The following FBXO34 variants were observed in gnomAD, a reference collection of about 807,000 sequenced individuals.
FBXO34 encodes the protein F-box protein 34.
A neutral mutation model predicts 24.5 loss-of-function variants in FBXO34; 12 were observed. That is an observed-to-expected ratio of 0.49 (90% confidence interval 0.31 to 0.79). FBXO34 has a LOEUF of 0.79. Among genes scored for constraint, FBXO34 ranks in the 30% least tolerant of loss-of-function variants. The pLI is 0.04. For missense variants in FBXO34, 823 were observed against 857.7 expected, an observed-to-expected ratio of 0.96 and a Z score of 0.51; for synonymous variants, 320 against 311.9, an observed-to-expected ratio of 1.03 and a Z score of -0.27.
chr14:55,273,191 T>C (rs529633283), intron 1 of FBXO34, among the ~76,000 whole-genome samples: 1 of 149,528 alleles, frequency 6.7e-6, no homozygotes, highest in Admixed American at 6.6e-5. Flanking sequence ...TTTTTTCCTC[T>C]CTCTCAATAC....
intron 1 of FBXO34, among the ~76,000 whole-genome samples, chr14:55,281,558 A>G (rs567823366): frequency 6.6e-6 from 1 of 152,044 alleles, no homozygotes; most frequent in South Asian, 2.1e-4. Context: ...CTTCCTCTTC[A>G]TTTTCTGGGA....
the FBXO34 span, among the ~76,000 whole-genome samples, chr14:55,431,216 T>C: frequency 6.6e-6 from 1 of 152,188 alleles, no homozygotes; most frequent in Non-Finnish European, 1.5e-5. Flanking sequence ...CAACTCACTA[T>C]CCAAAACTTC....
chr14:55,372,984 AT>A (rs1241917186), downstream of FBXO34, among the ~76,000 whole-genome samples: 2 of 151,882 alleles, frequency 1.3e-5, no homozygotes, highest in East Asian at 3.9e-4. Context: ...ATCAACCTAC[AT>A]TTCTGAGAAG....
At chr14:55,372,668 C>T (rs1294599971), downstream of FBXO34, among the ~76,000 whole-genome samples, 1 of 151,846 alleles carries the variant, frequency 6.6e-6, no homozygotes, top group Non-Finnish European at 1.5e-5. Flanking sequence ...CCTTCCTTCG[C>T]TCCTCCCTGC....
intron 1 of FBXO34, among the ~76,000 whole-genome samples, chr14:55,279,122 A>C (rs965898538): frequency 6.6e-5 from 10 of 152,130 alleles, no homozygotes; most frequent in African/African-American, 2.4e-4. Context: ...AACCCCATCT[A>C]CTAAAAATAC....
intron 3 of FBXO34, among the ~76,000 whole-genome samples, chr14:55,359,749 A>G (rs546060262): frequency 1.3e-5 from 2 of 152,220 alleles, no homozygotes; most frequent in East Asian, 3.9e-4. Flanking sequence ...CAAAATCTCA[A>G]ACCTCTCTGT....
At chr14:55,411,653 T>C in the FBXO34 span, 3 of 1,613,350 alleles carry the variant, frequency 1.9e-6, no homozygotes, top group Non-Finnish European at 1.7e-6. Context: ...CTGAACGCAT[T>C]TGGCGCAGGT....
rs145982841 is a variant in FBXO34, at chr14:55,338,099, G to T, written c.-10-12282G>T. On this transcript the variant is annotated intron_variant, in intron 1 of 1. Coordinates refer to ENST00000313833, the MANE Select transcript of FBXO34 (RefSeq NM_017943.4). ...GAGTCTCGCTCTGTCGCCCAGGCTG[G>T]AGTGCAGTGGCACGATCTCAGCTCA... 3.1e-3 allele frequency among the ~76,000 whole-genome samples: 401 copies of T among 127,676 alleles called. 2 individuals carry two copies. The highest frequency in any genetic ancestry group is 0.011 in the African/African-American group (334 of 31,652). The allele number at this position is 127,676 out of a possible 152,430, so 83.8% of individuals were successfully genotyped here.
At chr14:55,401,927 C>T in the FBXO34 span, among the ~76,000 whole-genome samples, 1 of 152,148 alleles carries the variant, frequency 6.6e-6, no homozygotes, top group Non-Finnish European at 1.5e-5. Context: ...TTCAACACGC[C>T]AAGTGGGAAA....
At chr14:55,337,632 C>T (rs552936479) in intron 1 of FBXO34, among the ~76,000 whole-genome samples, 57 of 152,324 alleles carry the variant, frequency 3.7e-4, no homozygotes, top group Admixed American at 6.5e-4. Context: ...CTCAAATGTG[C>T]CTTGAGGGCA....
At chr14:55,413,084 G>A in the FBXO34 span, among the ~76,000 whole-genome samples, 2 of 152,132 alleles carry the variant, frequency 1.3e-5, no homozygotes, top group African/African-American at 2.4e-5. Flanking sequence ...ACAAGCAAAA[G>A]CAAAAATTCT....
the FBXO34 span, chr14:55,440,658 G>T: frequency 8.1e-7 from 1 of 1,233,616 alleles, no homozygotes; most frequent in Non-Finnish European, 1.1e-6. Context: ...CCAGCTACCG[G>T]CCCATGGGCG....
At chr14:55,274,037 C>T (rs1457190855) in intron 1 of FBXO34, among the ~76,000 whole-genome samples, 2 of 152,092 alleles carry the variant, frequency 1.3e-5, no homozygotes, top group Admixed American at 1.3e-4. Context: ...AACTCCTGAC[C>T]TCGTGATCCG....
In FBXO34 at chr14:55,303,828, T is replaced by C. The variant is rs996985929; in HGVS notation, c.-11+32291T>C. Among the ~76,000 whole-genome samples, 3 of 152,294 alleles carry C rather than the reference T, an allele frequency of 2.0e-5. No homozygotes were observed. The East Asian group carries it at 5.8e-4, about 29-fold the overall frequency. On this transcript the variant is annotated intron_variant, in intron 1 of 1. Transcript: ENST00000313833. ...AAGCCATGTGTATGTACCAGGACCA[T>C]GTTACTGCCTAAGAAGAAATGAGAG... is the stretch of plus-strand genomic sequence containing the variant.
the FBXO34 span, chr14:55,436,526 C>A: frequency 1.3e-6 from 2 of 1,557,880 alleles, no homozygotes; most frequent in Admixed American, 3.4e-5. Flanking sequence ...AATGTGTACC[C>A]AATGTGCTCA....
At chr14:55,382,261 G>A in the FBXO34 span, 3 of 1,382,776 alleles carry the variant, frequency 2.2e-6, no homozygotes, top group Non-Finnish European at 3.1e-6. Context: ...ATAACTGCAA[G>A]ACATGCTAGA....
At chr14:55,310,589 A>T (rs1387297312) in intron 1 of FBXO34, among the ~76,000 whole-genome samples, 1 of 152,180 alleles carries the variant, frequency 6.6e-6, no homozygotes. Context: ...GTGTACAAGG[A>T]ATCTTTTAGA....
chr14:55,339,735 G>A (rs1883926847), intron 1 of FBXO34, among the ~76,000 whole-genome samples: 1 of 152,134 alleles, frequency 6.6e-6, no homozygotes. Flanking sequence ...TACAAAAACA[G>A]GCACCAAAGC....
At chr14:55,385,034 C>T in the FBXO34 span, among the ~76,000 whole-genome samples, 5 of 152,172 alleles carry the variant, frequency 3.3e-5, no homozygotes, top group Non-Finnish European at 5.9e-5. Context: ...ACCGAAGTCA[C>T]GGTATTCAGT....
Sources: allele counts gnomAD v4.1 joint callset (sites outside exome capture counted in the v4.1 genomes callset), GRCh38; gene constraint gnomAD v4.1.1; transcripts MANE v1.5; gene names NCBI Gene and HGNC (gene_info 2026-07-23, HGNC 2026-07-21).